Variants in NAALADL2 observed in about 807,000 individuals in gnomAD.
NAALADL2 encodes the protein inactive N-acetylated-alpha-linked acidic dipeptidase-like protein 2.
NAALADL2 carries 76 observed loss-of-function variants against 87.2 expected under a neutral mutation model. That is an observed-to-expected ratio of 0.87 (90% CI 0.72 to 1.05). The LOEUF is 1.05. NAALADL2 is among the 50% of genes least tolerant of loss of function. NAALADL2 has a pLI of 0.00. For missense variants in NAALADL2, 1,089 were observed against 945.8 expected (o/e 1.15, Z -1.99); for synonymous variants, 354 against 331.0 (o/e 1.07, Z -0.75).
chr3:175,472,879 G>A (rs1305407590), intron 9 of NAALADL2, among the ~76,000 whole-genome samples: 1 of 152,004 alleles, frequency 6.6e-6, no homozygotes, highest in Admixed American at 6.6e-5. Flanking sequence ...TACCTGCTTG[G>A]AAGCCTTGCA....
At chr3:174,771,678 A>G (rs554597888) in intron 3 of NAALADL2, among the ~76,000 whole-genome samples, 73 of 152,348 alleles carry the variant, frequency 4.8e-4, no homozygotes, top group African/African-American at 1.6e-3. Flanking sequence ...CAAAAGATGC[A>G]TGGAAGTAGG....
chr3:175,210,851 T>A (rs1409901672), intron 2 of NAALADL2, among the ~76,000 whole-genome samples: 1 of 151,838 alleles, frequency 6.6e-6, no homozygotes, highest in African/African-American at 2.4e-5. Context: ...TTAAAACATT[T>A]ACTTTAAAAC....
At chr3:174,867,753 C>G (rs953080042) in intron 1 of NAALADL2, among the ~76,000 whole-genome samples, 1 of 151,950 alleles carries the variant, frequency 6.6e-6, no homozygotes, top group Non-Finnish European at 1.5e-5. Flanking sequence ...ATAAAAGAAC[C>G]ATTGGCAAAT....
chr3:174,607,873 G>A (rs2108629596), intron 2 of NAALADL2, among the ~76,000 whole-genome samples: 1 of 151,690 alleles, frequency 6.6e-6, no homozygotes, highest in African/African-American at 2.4e-5. Context: ...ATTTTTTTCA[G>A]CACCACACCA....
intron 1 of NAALADL2, among the ~76,000 whole-genome samples, chr3:174,909,576 G>A (rs1024231563): frequency 6.6e-6 from 1 of 152,044 alleles, no homozygotes; most frequent in Admixed American, 6.6e-5. Context: ...TTCTAATATT[G>A]TTGAAACATT....
At chr3:175,458,440 T>A (rs1335974766) in intron 6 of NAALADL2, among the ~76,000 whole-genome samples, 1 of 148,742 alleles carries the variant, frequency 6.7e-6, no homozygotes, top group Non-Finnish European at 1.5e-5. Context: ...TATATAGATA[T>A]ATATACAATC....
At chr3:174,705,961 A>G (rs1730029098) in intron 2 of NAALADL2, among the ~76,000 whole-genome samples, 1 of 152,110 alleles carries the variant, frequency 6.6e-6, no homozygotes, top group Non-Finnish European at 1.5e-5. Context: ...TTTCATTACA[A>G]TACTCCTCTT....
chr3:174,571,077 G>T (rs6771942), intron 2 of NAALADL2, among the ~76,000 whole-genome samples: 76,205 of 151,902 alleles, frequency 0.5, 21,633 homozygotes, highest in East Asian at 0.81. Context: ...CTTGCCTTTC[G>T]GATAAGCTTC....
chr3:175,761,574 C>T (rs148746614), intron 13 of NAALADL2, among the ~76,000 whole-genome samples: 1 of 151,492 alleles, frequency 6.6e-6, no homozygotes, highest in East Asian at 1.9e-4. Flanking sequence ...TAGGAAACTG[C>T]CAAACTGTCT....
At chr3:175,129,004 T>C (rs529423665) in intron 2 of NAALADL2, among the ~76,000 whole-genome samples, 4 of 152,248 alleles carry the variant, frequency 2.6e-5, no homozygotes, top group African/African-American at 9.6e-5. Context: ...AGTGGCAGAA[T>C]GTTGTCTCAT....
intron 2 of NAALADL2, among the ~76,000 whole-genome samples, chr3:175,169,591 C>T (rs1313893604): frequency 6.6e-6 from 1 of 151,520 alleles, no homozygotes; most frequent in East Asian, 1.9e-4. Flanking sequence ...ATGTGATATT[C>T]TCATTTTGTA....
intron 3 of NAALADL2, among the ~76,000 whole-genome samples, chr3:174,755,997 T>C (rs1015974637): frequency 6.6e-6 from 1 of 152,206 alleles, no homozygotes; most frequent in Non-Finnish European, 1.5e-5. Context: ...TAATTCCATA[T>C]CAGGCAATCA....
chr3:175,351,289 G>C (rs1310108860), intron 5 of NAALADL2, among the ~76,000 whole-genome samples: 9 of 151,910 alleles, frequency 5.9e-5, no homozygotes, highest in Non-Finnish European at 1.5e-5. Flanking sequence ...TCATGATCAA[G>C]TAAATTGACA....
chr3:174,525,675 C>A (rs750874756), intron 1 of NAALADL2, among the ~76,000 whole-genome samples: 2 of 152,146 alleles, frequency 1.3e-5, no homozygotes, highest in Non-Finnish European at 2.9e-5. Flanking sequence ...TTTAGATAAT[C>A]CATAAATTAT....
intron 4 of NAALADL2, among the ~76,000 whole-genome samples, chr3:175,287,648 T>C (rs775068546): frequency 1.2e-4 from 19 of 152,314 alleles, no homozygotes; most frequent in South Asian, 2.1e-4. Context: ...AAGTTTATTG[T>C]TACAGATAGA....
intron 1 of NAALADL2, among the ~76,000 whole-genome samples, chr3:174,882,754 T>C (rs528041215): frequency 7.2e-6 from 1 of 139,522 alleles, no homozygotes; most frequent in East Asian, 2.1e-4. Flanking sequence ...TATACACACG[T>C]GTATATATAC....
At chr3:175,737,667 GTTA>G (rs1439675860) in intron 12 of NAALADL2, among the ~76,000 whole-genome samples, 1 of 116,690 alleles carries the variant, frequency 8.6e-6, no homozygotes, top group African/African-American at 3.3e-5. Context: ...CTAAGTTTCT[GTTA>G]TTATTTACAG....
chr3:175,398,347 T>TTG (rs10663547), intron 5 of NAALADL2, among the ~76,000 whole-genome samples: 28,274 of 126,748 alleles, frequency 0.22, 3,240 homozygotes, highest in East Asian at 0.44. Flanking sequence ...TCTGCTACTT[T>TTG]TTTTTTTTTT....
intron 1 of NAALADL2, chr3:175,079,578 T>C: frequency 6.6e-6 from 1 of 152,344 alleles, no homozygotes; most frequent in African/African-American, 2.4e-5. Flanking sequence ...GCATCCAAAT[T>C]ACTAACTATC....
Sources: gnomAD v4.1 joint callset for allele counts (sites outside exome capture counted in the v4.1 genomes callset) on GRCh38, gnomAD v4.1.1 for gene constraint, MANE v1.5 for transcripts, NCBI Gene and HGNC (gene_info 2026-07-23, HGNC 2026-07-21) for gene names.